KLHL1: variants seen among roughly 807,000 people sequenced by gnomAD.
KLHL1 encodes kelch like family member 1.
In KLHL1, 47 loss-of-function variants were observed where a neutral mutation model predicts 77.7. The observed-to-expected ratio is 0.60, with a 90% CI of 0.48 to 0.77. The LOEUF (loss-of-function observed/expected upper bound fraction) is 0.77. Among genes scored for constraint, KLHL1 ranks in the 30% least tolerant of loss-of-function variants. The probability of loss-of-function intolerance (pLI) is 0.00; values close to 1 mark genes in which losing one functional copy is unlikely to be tolerated. For synonymous variants in KLHL1, 360 were observed against 325.2 expected (o/e 1.11, Z -1.15); for missense variants, 925 against 910.8 (o/e 1.02, Z -0.20).
chr13:69,731,733 G>A (rs1328864747), intron 8 of KLHL1, among the ~76,000 whole-genome samples: 1 of 151,960 alleles, frequency 6.6e-6, no homozygotes, highest in Non-Finnish European at 1.5e-5. Context: ...TTATCTAATA[G>A]CTTTTTAAAA....
At chr13:69,876,921 C>T (rs1017875165) in intron 5 of KLHL1, among the ~76,000 whole-genome samples, 1 of 152,090 alleles carries the variant, frequency 6.6e-6, no homozygotes, top group African/African-American at 2.4e-5. Context: ...CATGTAATCC[C>T]AGCTACTCAA....
chr13:70,047,889 CT>C (rs1170253726), intron 1 of KLHL1, among the ~76,000 whole-genome samples: 1 of 152,130 alleles, frequency 6.6e-6, no homozygotes, highest in African/African-American at 2.4e-5. Flanking sequence ...AGTCTTGGTG[CT>C]TTTAGGTGCT....
intron 1 of KLHL1, among the ~76,000 whole-genome samples, chr13:70,061,106 G>A (rs1451164427): frequency 2.0e-5 from 3 of 151,966 alleles, no homozygotes; most frequent in Admixed American, 2.0e-4. Flanking sequence ...GAGAAGTGAG[G>A]ATGGTTATCT....
chr13:69,720,237 C>A (rs1367492250), intron 8 of KLHL1, among the ~76,000 whole-genome samples: 1 of 151,762 alleles, frequency 6.6e-6, no homozygotes, highest in African/African-American at 2.4e-5. Flanking sequence ...ATGATAGAAC[C>A]CCCCCAAAAT....
intron 7 of KLHL1, among the ~76,000 whole-genome samples, chr13:69,759,884 A>G (rs1874939379): frequency 6.6e-6 from 1 of 152,226 alleles, no homozygotes; most frequent in Non-Finnish European, 1.5e-5. Context: ...CCTGAAACAA[A>G]GGTAAGACTG....
chr13:70,046,845 C>T (rs896577623), intron 1 of KLHL1, among the ~76,000 whole-genome samples: 53 of 151,982 alleles, frequency 3.5e-4, no homozygotes, highest in Non-Finnish European at 1.0e-4. Flanking sequence ...CACCAAGTAC[C>T]GAAGCTGCAA....
chr13:69,929,844 G>A (rs572067073), intron 4 of KLHL1, among the ~76,000 whole-genome samples: 5 of 151,588 alleles, frequency 3.3e-5, no homozygotes, highest in Non-Finnish European at 5.9e-5. Context: ...TAAAACAATG[G>A]CAACTCTTGA....
At chr13:69,957,167 G>C (rs1883914010) in intron 3 of KLHL1, among the ~76,000 whole-genome samples, 1 of 151,576 alleles carries the variant, frequency 6.6e-6, no homozygotes, top group Non-Finnish European at 1.5e-5. Flanking sequence ...TACAGAATAG[G>C]AGCTGCATTA....
intron 5 of KLHL1, among the ~76,000 whole-genome samples, chr13:69,859,384 G>A (rs147556946): frequency 0.01 from 1,525 of 152,024 alleles, 11 homozygotes; most frequent in Middle Eastern, 0.044. Flanking sequence ...AGAAGGTCAG[G>A]GGGTGAGAGG....
chr13:69,882,027 T>C (rs1043889915), intron 5 of KLHL1, among the ~76,000 whole-genome samples: 6 of 151,784 alleles, frequency 4.0e-5, no homozygotes, highest in African/African-American at 1.5e-4. Flanking sequence ...TATAAAGAGA[T>C]TGAATATCAG....
At chr13:69,940,792 CAAAAA>C (rs374717086) in intron 3 of KLHL1, among the ~76,000 whole-genome samples, 5 of 67,698 alleles carry the variant, frequency 7.4e-5, no homozygotes, top group African/African-American at 1.6e-4. Context: ...ATCTTAAAGG[CAAAAA>C]AAAAAAAAAA....
chr13:69,846,633 A>G (rs1195970133), intron 5 of KLHL1, among the ~76,000 whole-genome samples: 1 of 151,502 alleles, frequency 6.6e-6, no homozygotes, highest in African/African-American at 2.4e-5. Flanking sequence ...ATATGAATAA[A>G]TACATTTGTT....
chr13:69,840,692 ATATATATATG>A (rs984313623), intron 5 of KLHL1, among the ~76,000 whole-genome samples: 3 of 136,316 alleles, frequency 2.2e-5, no homozygotes, highest in African/African-American at 9.4e-5. Flanking sequence ...CTTTATATAT[ATATATATATG>A]TATGTATGTA....
chr13:69,967,072 A>C (rs1051925435), intron 2 of KLHL1, among the ~76,000 whole-genome samples: 1 of 152,184 alleles, frequency 6.6e-6, no homozygotes, highest in Non-Finnish European at 1.5e-5. Context: ...CAATAAATAT[A>C]CAAGCACAGG....
intron 1 of KLHL1, among the ~76,000 whole-genome samples, chr13:70,030,988 A>G (rs979455284): frequency 6.6e-6 from 1 of 152,222 alleles, no homozygotes; most frequent in Non-Finnish European, 1.5e-5. Context: ...AAACTAGAAA[A>G]TCTAGAAGAA....
intron 8 of KLHL1, among the ~76,000 whole-genome samples, chr13:69,720,948 A>C (rs1367120516): frequency 1.5e-5 from 2 of 137,184 alleles, no homozygotes; most frequent in Non-Finnish European, 3.1e-5. Context: ...TAGATGTGTG[A>C]AAGGAAAATA....
At chr13:69,950,391 G>A (rs1212013144) in intron 3 of KLHL1, among the ~76,000 whole-genome samples, 2 of 151,554 alleles carry the variant, frequency 1.3e-5, no homozygotes, top group African/African-American at 4.8e-5. Context: ...TCGATGCACA[G>A]GTGTTAAGCT....
rs149266875 is a variant in KLHL1 at position 69,935,207 on chromosome 13, TACTGGTGAACTTGGTACATAGTTCACCC to T, written c.1014+4805_1014+4832del. ...ACTGGTGAACGTGGTACATAGTTGG[TACTGGTGAACTTGGTACATAGTTCACCC>T]ACTGGTGAACTTGGTACATAGTTCA... On this transcript the variant is annotated intron_variant, in intron 4 of 10. Coordinates refer to ENST00000377844, the MANE Select transcript of KLHL1 (RefSeq NM_020866.3). Among the ~76,000 whole-genome samples, 264 of 118,466 alleles carry T rather than the reference TACTGGTGAACTTGGTACATAGTTCACCC, an allele frequency of 2.2e-3. 2 individuals carry two copies. The highest frequency in any genetic ancestry group is 8.5e-3 in the South Asian group (27 of 3,180). 77.7% of individuals were successfully genotyped at this position (118,466 alleles called of 152,430 possible).
At position 70,108,290 on chromosome 13, in the gene KLHL1, G is replaced by A; in HGVS notation, c.-591C>T. 2.8e-6 allele frequency: 1 copy of A among 362,862 alleles called. No homozygotes were observed. The highest frequency in any genetic ancestry group is 4.9e-6 in the Non-Finnish European group (1 of 204,192). The allele number at this position is 362,862 out of a possible 1,614,324, so 22.5% of individuals were successfully genotyped here. Reference sequence around the variant, plus strand: ...TCCCTGGCCTTTTCGAGGATGCCCCGATAGCCTGCCGGGTGGCTCTGAGAA... The same window carrying A: ...TCCCTGGCCTTTTCGAGGATGCCCCAATAGCCTGCCGGGTGGCTCTGAGAA... On this transcript the variant is annotated 5_prime_UTR_variant, in exon 1 of 11. Transcript: ENST00000377844.
Sources: gnomAD v4.1 joint callset for allele counts (sites outside exome capture counted in the v4.1 genomes callset) on GRCh38, gnomAD v4.1.1 for gene constraint, MANE v1.5 for transcripts, NCBI Gene and HGNC (gene_info 2026-07-23, HGNC 2026-07-21) for gene names.